FOXO1: variants seen among roughly 807,000 people sequenced by gnomAD.
FOXO1 encodes forkhead box protein O1.
Under a neutral mutation model 44.1 loss-of-function variants are expected in FOXO1, and 6 were observed. That is an observed-to-expected ratio of 0.14 (90% confidence interval 0.07 to 0.27). The LOEUF (loss-of-function observed/expected upper bound fraction) is 0.27, where lower values mean the gene tolerates loss of function less well. Ranked by LOEUF, FOXO1 falls within the 10% of genes least tolerant of loss-of-function variation. The pLI, the probability that FOXO1 is intolerant of heterozygous loss-of-function variation, is 1.00. For synonymous variants in FOXO1, 380 were observed against 362.7 expected (o/e 1.05, Z -0.54); for missense variants, 737 against 888.8 (o/e 0.83, Z 2.17).
chr13:40,580,406 G>A (rs183186975), intron 1 of FOXO1, among the ~76,000 whole-genome samples: 17 of 152,240 alleles, frequency 1.1e-4, no homozygotes, highest in Non-Finnish European at 2.1e-4. Context: ...GCTGAGGAGC[G>A]TGGGCTTGCT....
At chr13:40,654,479 C>A (rs1486250662) in intron 1 of FOXO1, among the ~76,000 whole-genome samples, 1 of 139,466 alleles carries the variant, frequency 7.2e-6, no homozygotes, top group Non-Finnish European at 1.5e-5. Flanking sequence ...CCAGCCTGGG[C>A]GACAGAGCGA....
intron 1 of FOXO1, among the ~76,000 whole-genome samples, chr13:40,571,976 T>C (rs1030415930): frequency 2.0e-5 from 3 of 152,248 alleles, no homozygotes; most frequent in Admixed American, 6.5e-5. Flanking sequence ...CTTTGATCCA[T>C]TTTAAAGCTT....
chr13:40,644,150 A>G (rs1229571317), intron 1 of FOXO1, among the ~76,000 whole-genome samples: 3 of 152,204 alleles, frequency 2.0e-5, no homozygotes, highest in East Asian at 1.9e-4. Flanking sequence ...GCCAGTAAAT[A>G]TATCTAACCA....
intron 1 of FOXO1, among the ~76,000 whole-genome samples, chr13:40,605,345 T>G (rs1035733398): frequency 1.2e-4 from 18 of 152,192 alleles, no homozygotes; most frequent in African/African-American, 4.3e-4. Context: ...TACCTGGAGA[T>G]GCTCTGTTAC....
chr13:40,635,245 C>T (rs1050977435), intron 1 of FOXO1, among the ~76,000 whole-genome samples: 3 of 152,112 alleles, frequency 2.0e-5, no homozygotes, highest in Non-Finnish European at 2.9e-5. Flanking sequence ...ACTGTTTATT[C>T]CTCCTACGAA....
chr13:40,561,901 G>C (rs974078286), intron 1 of FOXO1, among the ~76,000 whole-genome samples: 4 of 131,880 alleles, frequency 3.0e-5, no homozygotes, highest in African/African-American at 1.2e-4. Context: ...GGTGAGCTGA[G>C]ATCACTCCAG....
Position 40,634,812 on chromosome 13 carries a change from G to A in FOXO1, c.630+30771C>T. Among the ~76,000 whole-genome samples, 2 of 152,030 alleles carry A rather than the reference G, an allele frequency of 1.3e-5. 1 individual carries two copies. Among genetic ancestry groups the A allele is most frequent in the Non-Finnish European group, 2.9e-5 (2 of 68,006 alleles). On this transcript the variant is annotated intron_variant, in intron 1 of 2. Transcript: ENST00000379561. ...CTCCTTCCTCAGCCCCGAGTAGCTG[G>A]GATTACAGGTGCCCACCACCCCGCC...
chr13:40,558,350 C>T lies in FOXO1; in HGVS notation c.*699G>A, dbSNP rs2137819084. The T allele has an allele frequency of 6.6e-6, 1 of 152,334 alleles. No individual in the cohort carries two copies. The highest frequency in any genetic ancestry group is 1.5e-5 in the Non-Finnish European group (1 of 67,986). 9.4% of individuals were successfully genotyped at this position (152,334 alleles called of 1,614,324 possible). A position where few individuals can be genotyped will look rare whatever the true frequency, so the allele number is the denominator to read the frequency against. On this transcript the variant is annotated 3_prime_UTR_variant, in exon 3 of 3. Coordinates refer to ENST00000379561, the MANE Select transcript of FOXO1 (RefSeq NM_002015.4). Reference sequence around the variant, plus strand: ...CCATTTAAATGTTTGTACAAATTTGCAAATAACAAAATAAACAAAAAAAAA... The same window carrying T: ...CCATTTAAATGTTTGTACAAATTTGTAAATAACAAAATAAACAAAAAAAAA...
rs1170623657 is a variant in FOXO1 at position 40,665,898 on chromosome 13, C to T, written c.315G>A (p.Gly105=). ...CCGGGCCCTGGAAGTCCCCGCACAGCCCCCCGGTGGCGGCCGCGGCGGCCG... is the reference window on the plus strand; with the variant it reads ...CCGGGCCCTGGAAGTCCCCGCACAGTCCCCCGGTGGCGGCCGCGGCGGCCG... ...AAAAAAAATG[G]LCGDFQGPEA... Residue 105 remains glycine, a synonymous_variant, in exon 1 of 3, where the codon GGG becomes GGA. Coordinates refer to ENST00000379561, the MANE Select transcript of FOXO1 (RefSeq NM_002015.4). The T allele has an allele frequency of 6.8e-6, 8 of 1,168,394 alleles. No homozygotes were observed. The highest frequency in any genetic ancestry group is 4.9e-5 in the African/African-American group (3 of 61,436). The allele number at this position is 1,168,394 out of a possible 1,614,324, so 72.4% of individuals were successfully genotyped here. A position where few individuals can be genotyped will look rare whatever the true frequency, so the allele number is the denominator to read the frequency against.
chr13:40,590,036 G>A (rs1430011290), intron 1 of FOXO1, among the ~76,000 whole-genome samples: 2 of 152,156 alleles, frequency 1.3e-5, no homozygotes, highest in Admixed American at 1.3e-4. Context: ...AAGTTTGTAC[G>A]ATGGGAGCCT....
chr13:40,644,303 G>C (rs1421487537), intron 1 of FOXO1, among the ~76,000 whole-genome samples: 1 of 152,158 alleles, frequency 6.6e-6, no homozygotes. Context: ...GATTAGCACA[G>C]GACTAGACTC....
intron 1 of FOXO1, among the ~76,000 whole-genome samples, chr13:40,654,764 C>T (rs1309598412): frequency 2.6e-5 from 4 of 151,904 alleles, no homozygotes; most frequent in Admixed American, 2.0e-4. Flanking sequence ...GGGGCCACGA[C>T]ACTTTAGAGG....
chr13:40,611,110 G>C (rs913215010), intron 1 of FOXO1: 5 of 453,166 alleles, frequency 1.1e-5, no homozygotes, highest in African/African-American at 1.0e-4. Flanking sequence ...ACTGCACATA[G>C]GCTGTAAAAC....
chr13:40,665,364 A>C (rs1246900632), intron 1 of FOXO1, among the ~76,000 whole-genome samples: 2 of 151,886 alleles, frequency 1.3e-5, no homozygotes, highest in Admixed American at 6.6e-5. Context: ...CGAGCCCCTT[A>C]CCGCGTCCCA....
intron 1 of FOXO1, among the ~76,000 whole-genome samples, chr13:40,616,564 T>C (rs1042012007): frequency 7.2e-5 from 11 of 152,170 alleles, no homozygotes; most frequent in Non-Finnish European, 1.2e-4. Flanking sequence ...GAGAAGCCCA[T>C]TGGTAAACTC....
At position 40,603,410 on chromosome 13, in the gene FOXO1, T is replaced by C. The variant is rs187399306; in HGVS notation, c.631-42550A>G. Among the ~76,000 whole-genome samples, 106 of 146,448 alleles carry C rather than the reference T, an allele frequency of 7.2e-4. No homozygotes were observed. In the East Asian group the frequency reaches 0.017, roughly 24 times the overall value. ...AAGCACAGGATTTTAAATATATACA[T>C]ATATTATAAATAAAAAGTATGTATA... On this transcript the variant is annotated intron_variant, in intron 1 of 2. Transcript: ENST00000379561.
At chr13:40,591,866 C>A (rs779808793) in intron 1 of FOXO1, among the ~76,000 whole-genome samples, 1 of 152,062 alleles carries the variant, frequency 6.6e-6, no homozygotes, top group Non-Finnish European at 1.5e-5. Context: ...GCCACCACGC[C>A]AGGCTAATTT....
At chr13:40,564,994 A>AGTCGGGGAACCCCGACATGGTGTAGG (rs1566062532) in intron 1 of FOXO1, among the ~76,000 whole-genome samples, 1 of 152,092 alleles carries the variant, frequency 6.6e-6, no homozygotes, top group South Asian at 2.1e-4. Context: ...GACATGGTGT[A>AGTCGGGGAACCCCGACATGGTGTAGG]CTTGCTTGTT....
At chr13:40,643,876 T>C (rs1049389974) in intron 1 of FOXO1, among the ~76,000 whole-genome samples, 3 of 152,216 alleles carry the variant, frequency 2.0e-5, no homozygotes, top group Non-Finnish European at 4.4e-5. Context: ...CTACAAGTAC[T>C]TCCCAGCAGT....
Sources: gnomAD v4.1 joint callset for allele counts (sites outside exome capture counted in the v4.1 genomes callset) on GRCh38, gnomAD v4.1.1 for gene constraint, MANE v1.5 for transcripts, NCBI Gene and HGNC (gene_info 2026-07-23, HGNC 2026-07-21) for gene names.